SNAP23: variants seen among roughly 807,000 people sequenced by gnomAD.
SNAP23 encodes synaptosome associated protein 23.
SNAP23 carries 11 observed loss-of-function variants against 29.0 expected under a neutral mutation model. The ratio of observed to expected loss-of-function variants is 0.38; its 90% confidence interval spans 0.24 to 0.63. The LOEUF is 0.63. Ranked by LOEUF, SNAP23 falls within the 20% of genes least tolerant of loss-of-function variation. The pLI, the probability that SNAP23 is intolerant of heterozygous loss-of-function variation, is 0.58. For synonymous variants in SNAP23, 60 were observed against 82.9 expected (o/e 0.72, Z 1.50); for missense variants, 220 against 253.9 (o/e 0.87, Z 0.91).
At chr15:42,520,484 A>G (rs2057437033) in intron 5 of SNAP23, among the ~76,000 whole-genome samples, 1 of 151,996 alleles carries the variant, frequency 6.6e-6, no homozygotes, top group South Asian at 2.1e-4. Context: ...CCCAGTTTAA[A>G]CATTCTTTTT....
rs751608459 is a variant in SNAP23 at position 42,531,431 on chromosome 15, C to T, written c.589C>T (p.Arg197Cys). ...ITDKADTNRD[R>C]IDIANARAKK... ...TTTTCAGGCTGACACCAACAGAGATCGTATTGATATTGCCAATGCCAGAGC... is the reference window on the plus strand; with the variant it reads ...TTTTCAGGCTGACACCAACAGAGATTGTATTGATATTGCCAATGCCAGAGC... The change falls in exon 8 of 8, where the codon CGT becomes TGT. Residue 197 changes from arginine (R) to cysteine (C), a missense_variant. Arg to Cys is a radical substitution (Grantham distance 180, BLOSUM62 -3). Coordinates refer to ENST00000249647, the MANE Select transcript of SNAP23 (RefSeq NM_003825.4). 5 of 1,585,994 alleles carry T rather than the reference C, an allele frequency of 3.2e-6. No homozygotes were observed. Among genetic ancestry groups the T allele is most frequent in the South Asian group, 1.2e-5 (1 of 84,888 alleles).
chr15:42,516,312 G>A (rs185165311), intron 5 of SNAP23, among the ~76,000 whole-genome samples: 230 of 152,152 alleles, frequency 1.5e-3, no homozygotes, highest in African/African-American at 4.7e-3. Context: ...TTACAGGCAT[G>A]AGCCACTGCA....
rs750622440 is a variant in SNAP23 at position 42,511,869 on chromosome 15, A to C, written c.23A>C (p.Glu8Ala). Reference protein sequence around the residue: MDNLSSEEIQQRAHQITD... With the variant: MDNLSSEAIQQRAHQITD... ...ATCATGGATAATCTGTCATCAGAAG[A>C]AATTCAACAGAGAGCTCACCAGATT... Residue 8 changes from glutamate (E) to alanine (A), a missense_variant, in exon 2 of 8, where the codon GAA becomes GCA. By Grantham distance (107) the Glu-to-Ala change is moderately radical. Transcript: ENST00000249647. 2 of 1,598,694 alleles carry C rather than the reference A, an allele frequency of 1.3e-6. No individual in the cohort carries two copies. Among genetic ancestry groups the C allele is most frequent in the Middle Eastern group, 1.7e-4 (1 of 6,032 alleles).
At chr15:42,497,227 G>A (rs1431220356) in intron 1 of SNAP23, among the ~76,000 whole-genome samples, 1 of 63,272 alleles carries the variant, frequency 1.6e-5, no homozygotes, top group African/African-American at 7.1e-5. Context: ...TTTTTTTTTT[G>A]AGATGGGGTC....
chr15:42,499,805 C>A (rs1423668767), intron 1 of SNAP23, among the ~76,000 whole-genome samples: 1 of 152,074 alleles, frequency 6.6e-6, no homozygotes, highest in Non-Finnish European at 1.5e-5. Flanking sequence ...TGATGATGTT[C>A]ATTATCATAA....
Position 42,531,700 on chromosome 15 carries a change from T to A in SNAP23, c.*222T>A. On this transcript the variant is annotated 3_prime_UTR_variant, in exon 8 of 8. Coordinates refer to ENST00000249647, the MANE Select transcript of SNAP23 (RefSeq NM_003825.4). Reference sequence around the variant, plus strand: ...GTATTTTCTTTCTCAATTCATACGCTTAGATTGGTTTTCATATGTCATGTT... The same window carrying A: ...GTATTTTCTTTCTCAATTCATACGCATAGATTGGTTTTCATATGTCATGTT... 1 of 399,706 alleles carries A rather than the reference T, an allele frequency of 2.5e-6. No homozygotes were observed. The highest frequency in any genetic ancestry group is 4.5e-5 in the Admixed American group (1 of 22,104). The allele number at this position is 399,706 out of a possible 1,614,324, so 24.8% of individuals were successfully genotyped here.
intron 5 of SNAP23, among the ~76,000 whole-genome samples, chr15:42,519,711 C>T (rs1031623360): frequency 4.6e-5 from 7 of 152,092 alleles, no homozygotes; most frequent in African/African-American, 1.7e-4. Flanking sequence ...CTATGTTGCT[C>T]AGGCTGGTCT....
At chr15:42,499,699 C>T (rs1210170759) in intron 1 of SNAP23, among the ~76,000 whole-genome samples, 1 of 152,082 alleles carries the variant, frequency 6.6e-6, no homozygotes, top group Non-Finnish European at 1.5e-5. Flanking sequence ...TATTCTTGCT[C>T]AGCACTTTGG....
At chr15:42,531,102 A>C (rs1390647024) in intron 7 of SNAP23, among the ~76,000 whole-genome samples, 1 of 152,214 alleles carries the variant, frequency 6.6e-6, no homozygotes, top group Non-Finnish European at 1.5e-5. Context: ...TTCATATTTC[A>C]TTGCATCAAA....
chr15:42,513,168 T>C (rs2057370472), intron 3 of SNAP23, 172 bp downstream of exon 3: 1 of 752,726 alleles, frequency 1.3e-6, no homozygotes, highest in Non-Finnish European at 2.4e-6. Flanking sequence ...TTTTTCCCTT[T>C]AACAGTATTG....
At chr15:42,493,332 T>TTCTC (rs376287295), upstream of SNAP23, among the ~76,000 whole-genome samples, 20 of 150,436 alleles carry the variant, frequency 1.3e-4, no homozygotes, top group African/African-American at 4.9e-4. Context: ...GAGCAAGACC[T>TTCTC]TCTCTCTCTC....
intron 1 of SNAP23, among the ~76,000 whole-genome samples, chr15:42,509,356 A>G (rs990770542): frequency 3.3e-5 from 5 of 151,928 alleles, no homozygotes; most frequent in East Asian, 1.9e-4. Context: ...AGCACAGTCT[A>G]TGGCAAGCAA....
chr15:42,521,621 A>T, intron 5 of SNAP23: 1 of 1,527,126 alleles, frequency 6.5e-7, no homozygotes, highest in South Asian at 1.2e-5. Flanking sequence ...AAGATTTAAC[A>T]TCAGAAGCCG....
upstream of SNAP23, chr15:42,493,094 A>C (rs888756443): frequency 6.6e-6 from 1 of 152,126 alleles, no homozygotes; most frequent in African/African-American, 2.4e-5. Flanking sequence ...GTAATCCTAT[A>C]ACTTTGGGAG....
upstream of SNAP23, among the ~76,000 whole-genome samples, chr15:42,493,381 C>CGT (rs962249168): frequency 2.5e-4 from 37 of 150,982 alleles, no homozygotes; most frequent in Admixed American, 2.5e-3. Context: ...TATGTGTGTG[C>CGT]GTGTGTGTGT....
chr15:42,511,756 A>G (rs2057359552), intron 1 of SNAP23, 77 bp from the exon 2 acceptor site: 11 of 753,040 alleles, frequency 1.5e-5, no homozygotes, highest in Non-Finnish European at 2.1e-5. Context: ...CCATAAATCT[A>G]CACTTTTTGC....
chr15:42,510,031 T>G (rs1420206866), intron 1 of SNAP23, among the ~76,000 whole-genome samples: 1 of 152,068 alleles, frequency 6.6e-6, no homozygotes, highest in African/African-American at 2.4e-5. Context: ...GTTACACCAC[T>G]GCACTCCAGC....
intron 1 of SNAP23, among the ~76,000 whole-genome samples, chr15:42,511,312 C>T (rs912076494): frequency 6.6e-6 from 1 of 152,162 alleles, no homozygotes; most frequent in Non-Finnish European, 1.5e-5. Flanking sequence ...ACCAGCATTT[C>T]CCTTTTCTTG....
At chr15:42,493,760 C>G (rs1322442417), upstream of SNAP23, among the ~76,000 whole-genome samples, 1 of 152,114 alleles carries the variant, frequency 6.6e-6, no homozygotes, top group Non-Finnish European at 1.5e-5. Context: ...ATCTTCTCAG[C>G]TTTCCTTTAA....
Sources: gnomAD v4.1 joint callset for allele counts (sites outside exome capture counted in the v4.1 genomes callset) on GRCh38, gnomAD v4.1.1 for gene constraint, MANE v1.5 for transcripts, NCBI Gene and HGNC (gene_info 2026-07-23, HGNC 2026-07-21) for gene names.